DRAM1: variants seen among roughly 807,000 people sequenced by gnomAD.
DRAM1 encodes DNA damage-regulated autophagy modulator protein 1.
A neutral mutation model predicts 28.5 loss-of-function variants in DRAM1; 25 were observed. That is an observed-to-expected ratio of 0.88 (90% confidence interval 0.64 to 1.23). DRAM1 has a LOEUF of 1.23. Ranked by LOEUF, DRAM1 falls within the 50% of genes most tolerant of loss-of-function variation. The pLI is 0.00. For synonymous variants in DRAM1, 113 were observed against 114.2 expected, an observed-to-expected ratio of 0.99 and a Z score of 0.07; for missense variants, 249 against 299.2, an observed-to-expected ratio of 0.83 and a Z score of 1.24.
In DRAM1 at chr12:101,921,465, G is replaced by T; in HGVS notation, c.*205G>T. The T allele has an allele frequency of 2.5e-6, 1 of 405,954 alleles. No individual in the cohort carries two copies. The highest frequency in any genetic ancestry group is 3.9e-5 in the East Asian group (1 of 25,752). 25.1% of individuals were successfully genotyped at this position (405,954 alleles called of 1,614,324 possible). A position where few individuals can be genotyped will look rare whatever the true frequency, so the allele number is the denominator to read the frequency against. The stretch of plus-strand genomic sequence containing the variant: ...ATGTACAGCCTTATGACACTGTAGT[G>T]ATGTTTTTATAATTTTCTAAGTAGA... On this transcript the variant is annotated 3_prime_UTR_variant, in exon 7 of 7. Transcript: ENST00000258534.
At chr12:101,879,027 T>G in intron 1 of DRAM1, among the ~76,000 whole-genome samples, 1 of 152,024 alleles carries the variant, frequency 6.6e-6, no homozygotes, top group Non-Finnish European at 1.5e-5. Flanking sequence ...CAGAGTCTTG[T>G]TCTGTCGCCC....
chr12:101,905,045 C>T (rs2121114168), intron 3 of DRAM1, among the ~76,000 whole-genome samples: 1 of 152,176 alleles, frequency 6.6e-6, no homozygotes, highest in South Asian at 2.1e-4. Context: ...ACTATGGGTG[C>T]ATCACCATGC....
intron 1 of DRAM1, among the ~76,000 whole-genome samples, chr12:101,895,186 GTTTTT>G (rs574722379): frequency 9.0e-4 from 68 of 75,730 alleles, no homozygotes; most frequent in African/African-American, 3.3e-3. Flanking sequence ...AACCCTTCAG[GTTTTT>G]TTTTTTTTTT....
At chr12:101,917,128 A>T (rs906748801) in intron 5 of DRAM1, among the ~76,000 whole-genome samples, 1 of 152,276 alleles carries the variant, frequency 6.6e-6, no homozygotes, top group African/African-American at 2.4e-5. Flanking sequence ...TTTGTCAAAA[A>T]GTAGTTTCAG....
In DRAM1 at chr12:101,922,774, T is replaced by A. The variant is rs568714967; in HGVS notation, c.*1514T>A. On this transcript the variant is annotated 3_prime_UTR_variant, in exon 7 of 7. Transcript: ENST00000258534. The stretch of plus-strand genomic sequence containing the variant: ...GGTTTTCTTTAAGTGAATGGAAGAG[T>A]TTGACAGAGATACACCTTTGTAAGA... 6.6e-6 allele frequency: 1 copy of A among 152,222 alleles called. No individual in the cohort carries two copies. The highest frequency in any genetic ancestry group is 1.9e-4 in the East Asian group (1 of 5,184). The allele number at this position is 152,222 out of a possible 1,614,324, so 9.4% of individuals were successfully genotyped here.
intron 1 of DRAM1, among the ~76,000 whole-genome samples, chr12:101,895,195 T>TTTTTTGTTTTTTTTTTTTTG (rs1566123833): frequency 3.1e-5 from 4 of 127,146 alleles, no homozygotes; most frequent in Admixed American, 7.5e-5. Context: ...GGTTTTTTTT[T>TTTTTTGTTTTTTTTTTTTTG]TTTTTTTTTT....
chr12:101,912,873 G>T (rs1369063657), intron 4 of DRAM1, among the ~76,000 whole-genome samples: 1 of 151,782 alleles, frequency 6.6e-6, no homozygotes, highest in East Asian at 1.9e-4. Context: ...GATTACAGGT[G>T]CACGCCACCA....
intron 3 of DRAM1, among the ~76,000 whole-genome samples, chr12:101,906,578 G>C (rs1873816882): frequency 1.3e-5 from 2 of 152,236 alleles, no homozygotes; most frequent in African/African-American, 4.8e-5. Flanking sequence ...CTGAGGCTGG[G>C]TGTGGTGGCT....
At chr12:101,887,128 A>G (rs1872912023) in intron 1 of DRAM1, among the ~76,000 whole-genome samples, 1 of 141,096 alleles carries the variant, frequency 7.1e-6, no homozygotes, top group Non-Finnish European at 1.5e-5. Context: ...CTGGGCGACA[A>G]GAGTGAAACT....
At chr12:101,908,714 T>C (rs1051548520) in intron 4 of DRAM1, among the ~76,000 whole-genome samples, 5 of 151,780 alleles carry the variant, frequency 3.3e-5, no homozygotes, top group Non-Finnish European at 5.9e-5. Context: ...TGATCAGATA[T>C]GAGGGTGGGG....
At chr12:101,880,432 AC>A (rs774577009) in intron 1 of DRAM1, among the ~76,000 whole-genome samples, 7 of 151,538 alleles carry the variant, frequency 4.6e-5, no homozygotes, top group African/African-American at 9.7e-5. Context: ...GATTACAGGC[AC>A]CTGCCACCAC....
At chr12:101,917,597 A>G (rs555951342) in intron 5 of DRAM1, among the ~76,000 whole-genome samples, 91 of 151,754 alleles carry the variant, frequency 6.0e-4, no homozygotes, top group African/African-American at 2.2e-3. Flanking sequence ...GAGGCAGGAG[A>G]ATTGCTTGTA....
rs565571229 is a variant in DRAM1, at chr12:101,882,316, T to C, written c.131+4396T>C. On this transcript the variant is annotated intron_variant, in intron 1 of 6. Coordinates refer to ENST00000258534, the MANE Select transcript of DRAM1 (RefSeq NM_018370.3). ...TAGTAGAGACGGGGTTTCACCATGT[T>C]AGTCAGGATGGTCTCGATCTCCTGA... Among the ~76,000 whole-genome samples, 2 of 150,864 alleles carry C rather than the reference T, an allele frequency of 1.3e-5. 1 individual carries two copies. The highest frequency in any genetic ancestry group is 4.3e-4 in the East Asian group (2 of 4,618).
intron 2 of DRAM1, among the ~76,000 whole-genome samples, chr12:101,900,278 A>G (rs1873550042): frequency 1.3e-5 from 2 of 152,264 alleles, no homozygotes. Context: ...CAATAATTAA[A>G]TTACAGGAGA....
At chr12:101,885,899 T>C (rs1054686547) in intron 1 of DRAM1, among the ~76,000 whole-genome samples, 1 of 152,190 alleles carries the variant, frequency 6.6e-6, no homozygotes, top group Non-Finnish European at 1.5e-5. Context: ...ACAAAATATA[T>C]GCTCCATGAG....
At chr12:101,885,718 G>A (rs1033162119) in intron 1 of DRAM1, among the ~76,000 whole-genome samples, 3 of 151,844 alleles carry the variant, frequency 2.0e-5, no homozygotes, top group African/African-American at 7.3e-5. Context: ...AGTAGAGACA[G>A]GGTTTCACTA....
chr12:101,898,940 T>C (rs1013596139), intron 2 of DRAM1, among the ~76,000 whole-genome samples: 4 of 152,264 alleles, frequency 2.6e-5, no homozygotes, highest in African/African-American at 9.6e-5. Context: ...AAGCTCAGTC[T>C]TCTATAAGGT....
chr12:101,907,521 A>G (rs1873867291), intron 3 of DRAM1, among the ~76,000 whole-genome samples: 1 of 152,116 alleles, frequency 6.6e-6, no homozygotes, highest in East Asian at 1.9e-4. Flanking sequence ...TGGACGGATC[A>G]CGAGATCAGG....
chr12:101,880,278 C>CTTTTTTTTTT (rs61082909), intron 1 of DRAM1, among the ~76,000 whole-genome samples: 1 of 70,096 alleles, frequency 1.4e-5, no homozygotes, highest in Non-Finnish European at 2.5e-5. Flanking sequence ...GCAATGCTTC[C>CTTTTTTTTTT]TTTTTTTTTT....
Sources: gnomAD v4.1 joint callset for allele counts (sites outside exome capture counted in the v4.1 genomes callset) on GRCh38, gnomAD v4.1.1 for gene constraint, MANE v1.5 for transcripts, NCBI Gene and HGNC (gene_info 2026-07-23, HGNC 2026-07-21) for gene names.